TMOD1: variants seen among roughly 807,000 people sequenced by gnomAD.
TMOD1 encodes the protein tropomodulin 1, also known as tropomodulin-1.
A neutral mutation model predicts 40.6 loss-of-function variants in TMOD1; 17 were observed. The observed-to-expected ratio is 0.42, with a 90% CI of 0.29 to 0.63. The LOEUF is 0.63. TMOD1 is among the 20% of genes least tolerant of loss of function. The probability of loss-of-function intolerance (pLI) is 0.22; values close to 1 mark genes in which losing one functional copy is unlikely to be tolerated. For synonymous variants in TMOD1, 181 were observed against 175.0 expected (o/e 1.03, Z -0.27); for missense variants, 391 against 447.6 (o/e 0.87, Z 1.14).
intron 1 of TMOD1, among the ~76,000 whole-genome samples, chr9:97,519,115 G>A (rs1427061946): frequency 2.6e-5 from 4 of 152,216 alleles, no homozygotes; most frequent in African/African-American, 7.2e-5. Flanking sequence ...CCACATTGGC[G>A]GGCAATGCTG....
chr9:97,596,854 T>C (rs1826123141), intron 9 of TMOD1, among the ~76,000 whole-genome samples: 2 of 152,242 alleles, frequency 1.3e-5, no homozygotes, highest in Admixed American at 6.5e-5. Context: ...TGGGAAGGTC[T>C]GACCACTTCA....
At chr9:97,593,586 TCTGA>T (rs1486273140) in intron 9 of TMOD1, among the ~76,000 whole-genome samples, 2 of 152,190 alleles carry the variant, frequency 1.3e-5, no homozygotes, top group East Asian at 1.9e-4. Flanking sequence ...AAAGGCTACC[TCTGA>T]CTGAAGAAGC....
chr9:97,542,835 G>A (rs1830294270), intron 2 of TMOD1, among the ~76,000 whole-genome samples: 1 of 133,546 alleles, frequency 7.5e-6, no homozygotes, highest in African/African-American at 2.9e-5. Flanking sequence ...GGGCAACAAA[G>A]TGAGACTCCA....
chr9:97,601,148 G>GTTGCAGGGACAACC lies in TMOD1; in HGVS notation c.*1451_*1464dup. 7.7e-7 allele frequency: 1 copy of GTTGCAGGGACAACC among 1,303,552 alleles called. No homozygotes were observed. The highest frequency in any genetic ancestry group is 1.0e-6 in the Non-Finnish European group (1 of 988,666). The allele number at this position is 1,303,552 out of a possible 1,614,324, so 80.7% of individuals were successfully genotyped here. A position where few individuals can be genotyped will look rare whatever the true frequency, so the allele number is the denominator to read the frequency against. The stretch of plus-strand genomic sequence containing the variant: ...GCACATGGCCCAGGAGTGGCACCAT[G>GTTGCAGGGACAACC]TTGCAGGGACAACCATCCCCATTTG... On this transcript the variant is annotated 3_prime_UTR_variant, in exon 10 of 10. Coordinates refer to ENST00000259365, the MANE Select transcript of TMOD1 (RefSeq NM_003275.4).
chr9:97,572,435 G>A (rs1322138049), intron 8 of TMOD1, among the ~76,000 whole-genome samples: 1 of 152,156 alleles, frequency 6.6e-6, no homozygotes, highest in Non-Finnish European at 1.5e-5. Context: ...CAGGAGCTAT[G>A]GCCTCCAGGA....
At chr9:97,579,181 G>A (rs1411173469) in intron 8 of TMOD1, among the ~76,000 whole-genome samples, 1 of 152,148 alleles carries the variant, frequency 6.6e-6, no homozygotes, top group African/African-American at 2.4e-5. Context: ...CAGAATACCT[G>A]GGGGGAGTTC....
chr9:97,595,576 C>T (rs1375795397), intron 9 of TMOD1, among the ~76,000 whole-genome samples: 1 of 144,852 alleles, frequency 6.9e-6, no homozygotes, highest in Non-Finnish European at 1.5e-5. Context: ...GAATCGTACT[C>T]CATTGTGCAT....
intron 1 of TMOD1, among the ~76,000 whole-genome samples, chr9:97,511,147 C>T (rs532733306): frequency 1.3e-5 from 2 of 152,044 alleles, no homozygotes; most frequent in African/African-American, 4.8e-5. Context: ...ACAACTTTGA[C>T]GTTTAGAGCA....
chr9:97,595,835 G>A (rs1446711404), intron 9 of TMOD1, among the ~76,000 whole-genome samples: 5 of 152,076 alleles, frequency 3.3e-5, no homozygotes, highest in Admixed American at 3.3e-4. Context: ...CACTTTGGGA[G>A]GCCGAGGCAG....
intron 4 of TMOD1, among the ~76,000 whole-genome samples, chr9:97,556,533 G>C (rs1322510005): frequency 6.6e-6 from 1 of 152,168 alleles, no homozygotes; most frequent in Non-Finnish European, 1.5e-5. Context: ...AGTTGGTATG[G>C]CCTGTCTCCC....
At chr9:97,596,248 C>T (rs1587967821) in intron 9 of TMOD1, among the ~76,000 whole-genome samples, 1 of 151,816 alleles carries the variant, frequency 6.6e-6, no homozygotes, top group East Asian at 2.0e-4. Context: ...CCTCCAACAT[C>T]CTCAGGCCCC....
chr9:97,560,240 C>T (rs1192078803), intron 4 of TMOD1, among the ~76,000 whole-genome samples: 3 of 151,958 alleles, frequency 2.0e-5, no homozygotes, highest in Non-Finnish European at 2.9e-5. Flanking sequence ...AGTCTAGTAG[C>T]AGAAGCAGAC....
At chr9:97,515,256 C>T (rs10982470) in intron 1 of TMOD1, among the ~76,000 whole-genome samples, 11,353 of 146,994 alleles carry the variant, frequency 0.077, 524 homozygotes, top group East Asian at 0.22. Context: ...ATGGGAGAAA[C>T]GAAGAGCTTT....
At chr9:97,543,638 C>T (rs1409583546) in intron 2 of TMOD1, among the ~76,000 whole-genome samples, 1 of 152,152 alleles carries the variant, frequency 6.6e-6, no homozygotes, top group Non-Finnish European at 1.5e-5. Context: ...AGGGCTTAAG[C>T]CTGATGTAGG....
At chr9:97,535,841 G>A (rs1442875870) in intron 2 of TMOD1, among the ~76,000 whole-genome samples, 2 of 152,198 alleles carry the variant, frequency 1.3e-5, no homozygotes, top group Admixed American at 1.3e-4. Flanking sequence ...CAGCTATTGA[G>A]TTTCACCAGC....
chr9:97,562,734 A>ACAGCC lies in TMOD1; in HGVS notation c.400_401insCAGCC (p.Ile134ThrfsTer10). ...GAGCCCTTCCCTTGTCCCTGCAGCG[A>ACAGCC]TCCTGGGCATGCACACGCTCATGAG... On this transcript the variant is annotated frameshift_variant, in exon 5 of 10. Transcript: ENST00000259365. LOFTEE classifies it high-confidence loss of function. 1 of 1,549,882 alleles carries ACAGCC rather than the reference A, an allele frequency of 6.5e-7. No homozygotes were observed. Among genetic ancestry groups the ACAGCC allele is most frequent in the Non-Finnish European group, 8.7e-7 (1 of 1,154,896 alleles).
At chr9:97,536,949 G>C (rs192246536) in intron 2 of TMOD1, among the ~76,000 whole-genome samples, 219 of 152,336 alleles carry the variant, frequency 1.4e-3, no homozygotes, top group Non-Finnish European at 2.4e-3. Flanking sequence ...ACCAGGTTAA[G>C]GGGTTTTGCA....
chr9:97,588,063 T>C (rs551096289), intron 8 of TMOD1, among the ~76,000 whole-genome samples: 1 of 152,356 alleles, frequency 6.6e-6, no homozygotes, highest in Admixed American at 6.5e-5. Context: ...TTATGAGCAT[T>C]CATGAACAAG....
intron 8 of TMOD1, among the ~76,000 whole-genome samples, chr9:97,578,689 T>A (rs192258599): frequency 1.3e-5 from 2 of 152,308 alleles, no homozygotes; most frequent in African/African-American, 4.8e-5. Context: ...AAGATGCAGA[T>A]GCTGGCTCCT....
Sources: allele counts gnomAD v4.1 joint callset (sites outside exome capture counted in the v4.1 genomes callset), GRCh38; gene constraint gnomAD v4.1.1; transcripts MANE v1.5; gene names NCBI Gene and HGNC (gene_info 2026-07-23, HGNC 2026-07-21).